Variants in HTR3B observed in about 807,000 individuals in gnomAD.
The protein encoded by HTR3B is 5-hydroxytryptamine receptor 3B.
HTR3B carries 44 observed loss-of-function variants against 42.8 expected under a neutral mutation model. The observed-to-expected ratio is 1.03, with a 90% CI of 0.81 to 1.32. The LOEUF is 1.32. HTR3B is among the 40% of genes most tolerant of loss of function. The pLI is 0.00. For synonymous variants in HTR3B, 203 were observed against 209.0 expected, an observed-to-expected ratio of 0.97 and a Z score of 0.25; for missense variants, 527 against 536.5, an observed-to-expected ratio of 0.98 and a Z score of 0.17.
intron 2 of HTR3B, among the ~76,000 whole-genome samples, chr11:113,918,745 G>C (rs372733235): frequency 6.6e-5 from 10 of 150,632 alleles, no homozygotes; most frequent in Non-Finnish European, 1.2e-4. Flanking sequence ...CAACCTCCAC[G>C]TTCTGGGTTT....
chr11:113,925,665 T>C (rs1410146816), intron 2 of HTR3B, among the ~76,000 whole-genome samples: 1 of 152,070 alleles, frequency 6.6e-6, no homozygotes, highest in East Asian at 1.9e-4. Context: ...TTCCTATTTC[T>C]TCATCTTGTG....
At chr11:113,915,724 TA>T (rs1167710926) in intron 2 of HTR3B, among the ~76,000 whole-genome samples, 1 of 152,262 alleles carries the variant, frequency 6.6e-6, no homozygotes, top group Non-Finnish European at 1.5e-5. Context: ...TGTTTAATTT[TA>T]TAAGAAACTG....
rs192183742 is a variant in HTR3B, at chr11:113,941,931, G to T, written c.697-1051G>T. On this transcript the variant is annotated intron_variant, in intron 6 of 8. Coordinates refer to ENST00000260191, the MANE Select transcript of HTR3B (RefSeq NM_006028.5). ...CCCGCCATCTTGTGGTTTCCCTAAA[G>T]CCTGCTCACACCTTGCAGATAGTCT... 1.7e-3 allele frequency among the ~76,000 whole-genome samples: 262 copies of T among 152,228 alleles called. 1 individual carries two copies. The highest frequency in any genetic ancestry group is 5.9e-3 in the African/African-American group (245 of 41,536).
At chr11:113,944,455 T>G in intron 7 of HTR3B, 118 bp from the exon 8 acceptor site, 2 of 866,564 alleles carry the variant, frequency 2.3e-6, no homozygotes, top group Non-Finnish European at 3.7e-6. Flanking sequence ...GAGCCATGAT[T>G]GCACCACTGC....
intron 8 of HTR3B, 83 bp from the exon 9 acceptor site, chr11:113,945,819 A>T: frequency 1.1e-6 from 1 of 949,454 alleles, no homozygotes; most frequent in Non-Finnish European, 1.7e-6. Flanking sequence ...TCCTTGAAGG[A>T]TGAGGCCATC....
chr11:113,934,483 A>G (rs371796602), intron 6 of HTR3B, among the ~76,000 whole-genome samples: 11 of 152,238 alleles, frequency 7.2e-5, no homozygotes, highest in African/African-American at 2.6e-4. Flanking sequence ...AAAGAAAGAA[A>G]GAAAGAAACT....
intron 1 of HTR3B, among the ~76,000 whole-genome samples, chr11:113,908,058 A>T (rs1419698802): frequency 6.6e-6 from 1 of 152,222 alleles, no homozygotes; most frequent in Non-Finnish European, 1.5e-5. Flanking sequence ...ACGCCATTTT[A>T]GGCATCTTCT....
At chr11:113,914,446 A>G (rs1373596226) in intron 2 of HTR3B, among the ~76,000 whole-genome samples, 1 of 151,670 alleles carries the variant, frequency 6.6e-6, no homozygotes, top group Admixed American at 6.6e-5. Context: ...CCTAGGCAAC[A>G]AGAGCGATAC....
At chr11:113,930,390 C>G (rs1950021650) in intron 2 of HTR3B, among the ~76,000 whole-genome samples, 1 of 150,624 alleles carries the variant, frequency 6.6e-6, no homozygotes, top group Non-Finnish European at 1.5e-5. Flanking sequence ...TGAGATATCC[C>G]TTTTTAAAAA....
chr11:113,937,498 C>T (rs1950100738), intron 6 of HTR3B, among the ~76,000 whole-genome samples: 1 of 152,226 alleles, frequency 6.6e-6, no homozygotes, highest in Admixed American at 6.5e-5. Flanking sequence ...GCAATAACCA[C>T]AAAGCTGAGC....
chr11:113,944,447 G>A, intron 7 of HTR3B, 126 bp from the exon 8 acceptor site: 2 of 804,616 alleles, frequency 2.5e-6, no homozygotes, highest in Admixed American at 2.4e-5. Context: ...GCTACAGTGA[G>A]CCATGATTGC....
At chr11:113,943,435 G>C (rs1166842875) in intron 7 of HTR3B, among the ~76,000 whole-genome samples, 3 of 152,176 alleles carry the variant, frequency 2.0e-5, no homozygotes, top group Non-Finnish European at 2.9e-5. Flanking sequence ...CTGGGCTCAA[G>C]CAATTCTCCT....
At position 113,946,880 on chromosome 11, in the gene HTR3B, T is replaced by C. The variant is rs1950184893; in HGVS notation, c.*743T>C. On this transcript the variant is annotated 3_prime_UTR_variant, in exon 9 of 9. Coordinates refer to ENST00000260191, the MANE Select transcript of HTR3B (RefSeq NM_006028.5). Reference sequence around the variant, plus strand: ...ATTGAGTATTAAGTCCTAGGCATTATGTTAGGCACACCAGAGAATACAAAA... The same window carrying C: ...ATTGAGTATTAAGTCCTAGGCATTACGTTAGGCACACCAGAGAATACAAAA... 6.6e-6 allele frequency among the ~76,000 whole-genome samples: 1 copy of C among 152,236 alleles called. No individual in the cohort carries two copies. Among genetic ancestry groups the C allele is most frequent in the South Asian group, 2.1e-4 (1 of 4,836 alleles).
chr11:113,926,537 T>TTTCCTTTCCTTTCCTTTCC (rs1949977006), intron 2 of HTR3B, among the ~76,000 whole-genome samples: 1 of 77,414 alleles, frequency 1.3e-5, no homozygotes, highest in African/African-American at 5.3e-5. Context: ...CCTTTCCTTT[T>TTTCCTTTCCTTTCCTTTCC]TTTCTTTTTC....
rs543185263 is a variant in HTR3B, at chr11:113,948,926, T to C, written c.*2789T>C. Reference sequence around the variant, plus strand: ...GAGGGATAGCATTAGAAGATATACCTAATGTTAATGGGTGCAGCACAGCAA... The same window carrying C: ...GAGGGATAGCATTAGAAGATATACCCAATGTTAATGGGTGCAGCACAGCAA... On this transcript the variant is annotated 3_prime_UTR_variant, in exon 9 of 9. Transcript: ENST00000260191. 6.6e-6 allele frequency among the ~76,000 whole-genome samples: 1 copy of C among 152,166 alleles called. No homozygotes were observed. Among genetic ancestry groups the C allele is most frequent in the African/African-American group, 2.4e-5 (1 of 41,532 alleles).
intron 2 of HTR3B, 93 bp downstream of exon 2, chr11:113,909,548 G>T: frequency 9.9e-7 from 1 of 1,011,654 alleles, no homozygotes; most frequent in Non-Finnish European, 1.4e-6. Context: ...ATATTCTTGA[G>T]ATTGTAGTTG....
At chr11:113,915,439 A>G (rs1949843059) in intron 2 of HTR3B, among the ~76,000 whole-genome samples, 1 of 152,228 alleles carries the variant, frequency 6.6e-6, no homozygotes, top group Non-Finnish European at 1.5e-5. Context: ...ACACAATATT[A>G]TACAAATGGA....
chr11:113,932,688 T>C (rs925904004), intron 5 of HTR3B, among the ~76,000 whole-genome samples: 4 of 152,230 alleles, frequency 2.6e-5, no homozygotes, highest in African/African-American at 9.7e-5. Context: ...GATAATATTA[T>C]AGAAATCGCA....
At chr11:113,910,314 G>C (rs1949778046) in intron 2 of HTR3B, among the ~76,000 whole-genome samples, 1 of 152,154 alleles carries the variant, frequency 6.6e-6, no homozygotes, top group African/African-American at 2.4e-5. Flanking sequence ...TGAAGTAGTT[G>C]GCAGAGTTCT....
Sources: allele counts gnomAD v4.1 joint callset (sites outside exome capture counted in the v4.1 genomes callset), GRCh38; gene constraint gnomAD v4.1.1; transcripts MANE v1.5; gene names NCBI Gene and HGNC (gene_info 2026-07-23, HGNC 2026-07-21).